The following BCAS3 variants were observed in gnomAD, a reference collection of about 807,000 sequenced individuals.
BCAS3 encodes BCAS3 microtubule associated cell migration factor.
BCAS3 carries 53 observed loss-of-function variants against 116.1 expected under a neutral mutation model. The observed-to-expected ratio is 0.46, with a 90% confidence interval of 0.37 to 0.57. The LOEUF is 0.57. BCAS3 is among the 20% of genes least tolerant of loss of function. BCAS3 has a pLI of 0.00. For missense variants in BCAS3, 917 were observed against 1,165.4 expected (o/e 0.79, Z 3.10); for synonymous variants, 391 against 408.2 (o/e 0.96, Z 0.51).
intron 14 of BCAS3, among the ~76,000 whole-genome samples, chr17:60,959,898 A>G (rs2061332064): frequency 6.6e-6 from 1 of 152,222 alleles, no homozygotes; most frequent in African/African-American, 2.4e-5. Flanking sequence ...TTTGAGTTAT[A>G]GCCACATCAC....
At chr17:60,893,568 C>T (rs2057315865) in intron 10 of BCAS3, among the ~76,000 whole-genome samples, 1 of 141,274 alleles carries the variant, frequency 7.1e-6, no homozygotes, top group Non-Finnish European at 1.5e-5. Context: ...TGATGTTATT[C>T]AGTTCTCTGT....
intron 4 of BCAS3, among the ~76,000 whole-genome samples, chr17:60,707,813 C>T (rs572734801): frequency 6.0e-5 from 9 of 149,020 alleles, no homozygotes; most frequent in South Asian, 2.1e-4. Flanking sequence ...TTGATTTTTC[C>T]GATGTTAAAC....
At chr17:60,855,612 G>A (rs780200868) in intron 7 of BCAS3, among the ~76,000 whole-genome samples, 9 of 151,736 alleles carry the variant, frequency 5.9e-5, no homozygotes, top group African/African-American at 7.3e-5. Flanking sequence ...GTGCCACCAC[G>A]CCCGGCCACT....
rs1005499333 is a variant in BCAS3 at position 60,967,856 on chromosome 17, G to T, written c.1221+20504G>T. 2.0e-5 allele frequency among the ~76,000 whole-genome samples: 3 copies of T among 151,902 alleles called. No homozygotes were observed. The highest frequency in any genetic ancestry group is 2.9e-5 in the Non-Finnish European group (2 of 67,992). ...AGTCTCTGATGACTTCTTCAGTTCA[G>T]CAAATATGTTTCTCAGTTCCAAGAT... On this transcript the variant is annotated intron_variant, in intron 14 of 23. Transcript: ENST00000407086. The surrounding 1 kb of genome is among the most constrained non-coding windows in gnomAD (Gnocchi z 4.7).
At chr17:61,078,918 C>T (rs1229754255) in intron 21 of BCAS3, among the ~76,000 whole-genome samples, 1 of 151,852 alleles carries the variant, frequency 6.6e-6, no homozygotes, top group Non-Finnish European at 1.5e-5. Flanking sequence ...TCCTGTATCT[C>T]CCTTCTTTTA....
At chr17:61,342,803 G>A (rs2057261066) in intron 22 of BCAS3, among the ~76,000 whole-genome samples, 1 of 150,880 alleles carries the variant, frequency 6.6e-6, no homozygotes, top group Admixed American at 6.6e-5. Context: ...CCAGGCTGGA[G>A]TATAGTGGTG....
intron 22 of BCAS3, among the ~76,000 whole-genome samples, chr17:61,242,974 C>T (rs963354310): frequency 5.9e-5 from 9 of 151,378 alleles, no homozygotes; most frequent in East Asian, 1.9e-4. Flanking sequence ...TGCAATGGTG[C>T]GATCTCGGCT....
At chr17:60,982,478 GA>G (rs1268798982) in intron 14 of BCAS3, among the ~76,000 whole-genome samples, 3 of 151,938 alleles carry the variant, frequency 2.0e-5, no homozygotes, top group Non-Finnish European at 4.4e-5. Flanking sequence ...GCTTGCTATT[GA>G]ATTCTTTAAA....
At chr17:60,690,852 G>A (rs1424371511) in intron 4 of BCAS3, among the ~76,000 whole-genome samples, 2 of 148,666 alleles carry the variant, frequency 1.3e-5, no homozygotes, top group East Asian at 2.1e-4. Flanking sequence ...CCCAGGAGGT[G>A]GAGGCTGCAG....
At position 61,343,750 on chromosome 17, in the gene BCAS3, A is replaced by C. The variant is rs965500112; in HGVS notation, c.2426-24577A>C. The stretch of plus-strand genomic sequence containing the variant: ...GGAACTTGTGATTATCCTCTGTCTA[A>C]GTCAAAAGCAGCTTAATTCCTCTAA... On this transcript the variant is annotated intron_variant, in intron 22 of 23. Transcript: ENST00000407086. The surrounding 1 kb of genome is among the most constrained non-coding windows in gnomAD (Gnocchi z 5.5). Among the ~76,000 whole-genome samples the C allele has an allele frequency of 1.3e-5, 2 of 152,222 alleles. No homozygotes were observed. The highest frequency in any genetic ancestry group is 1.3e-4 in the Admixed American group (2 of 15,288).
chr17:61,277,616 T>TAGAATATATA (rs59539197), intron 22 of BCAS3, among the ~76,000 whole-genome samples: 21,692 of 151,936 alleles, frequency 0.14, 3,219 homozygotes, highest in African/African-American at 0.38. Context: ...GACTTATATC[T>TAGAATATATA]AGAATATATA....
chr17:60,909,269 A>G (rs929508581), intron 11 of BCAS3, among the ~76,000 whole-genome samples: 1 of 152,162 alleles, frequency 6.6e-6, no homozygotes, highest in Non-Finnish European at 1.5e-5. Flanking sequence ...GTTTTAATCT[A>G]ATTATTGCTT....
At chr17:60,836,656 G>A (rs2051400989) in intron 7 of BCAS3, among the ~76,000 whole-genome samples, 1 of 152,002 alleles carries the variant, frequency 6.6e-6, no homozygotes, top group Non-Finnish European at 1.5e-5. Context: ...TGGAAATGTT[G>A]GAATTTTTCA....
chr17:61,204,071 C>T lies in BCAS3; in HGVS notation c.2425+119507C>T, dbSNP rs924748352. ...ACTAACTGTTTTACAAATGTTTCCT[C>T]GCTCTGGGAGGTTTGATACACTCTT... is the stretch of plus-strand genomic sequence containing the variant. On this transcript the variant is annotated intron_variant, in intron 22 of 23. Coordinates refer to ENST00000407086, the MANE Select transcript of BCAS3 (RefSeq NM_017679.5). The surrounding 1 kb of genome is among the most constrained non-coding windows in gnomAD (Gnocchi z 4.2). Among the ~76,000 whole-genome samples, 3 of 152,174 alleles carry T rather than the reference C, an allele frequency of 2.0e-5. No homozygotes were observed. Among genetic ancestry groups the T allele is most frequent in the East Asian group, 1.9e-4 (1 of 5,192 alleles).
intron 6 of BCAS3, among the ~76,000 whole-genome samples, chr17:60,799,359 C>CA (rs1226256500): frequency 1.3e-5 from 2 of 152,050 alleles, no homozygotes; most frequent in Non-Finnish European, 2.9e-5. Context: ...ACCACCAGCA[C>CA]AATCAAGATA....
chr17:60,692,022 C>T (rs528675563), intron 4 of BCAS3, among the ~76,000 whole-genome samples: 1 of 149,204 alleles, frequency 6.7e-6, no homozygotes, highest in South Asian at 2.1e-4. Context: ...TGCACTCCAG[C>T]TTGGGGGCAA....
Position 60,757,896 on chromosome 17 carries a change from C to G in BCAS3, c.403+10617C>G, listed in dbSNP as rs151031221. 1.5e-4 allele frequency among the ~76,000 whole-genome samples: 23 copies of G among 152,132 alleles called. No individual in the cohort carries two copies. The East Asian group carries it at 4.3e-3, about 28-fold the overall frequency. ...ATTTAGTAGTCTTACTGTTTTAGGT[C>G]TTAAATTTATGTCTTTAATCCATCT... On this transcript the variant is annotated intron_variant, in intron 6 of 23. Transcript: ENST00000407086.
intron 10 of BCAS3, among the ~76,000 whole-genome samples, chr17:60,896,591 TC>T (rs200326840): frequency 1.3e-5 from 2 of 151,826 alleles, no homozygotes; most frequent in African/African-American, 4.8e-5. Context: ...CTTTTTTTTT[TC>T]CAGCTGTTTT....
Position 61,388,566 on chromosome 17 carries a change from CGTT to C in BCAS3, c.2594-3408_2594-3406del, listed in dbSNP as rs2059967420. 1.5e-5 allele frequency: 23 copies of C among 1,496,892 alleles called. No homozygotes were observed. The highest frequency in any genetic ancestry group is 2.0e-5 in the Non-Finnish European group (22 of 1,115,560). The allele number at this position is 1,496,892 out of a possible 1,614,324, so 92.7% of individuals were successfully genotyped here. A position where few individuals can be genotyped will look rare whatever the true frequency, so the allele number is the denominator to read the frequency against. ...TGCAGAGATCAGTGTACTTCTCAAT[CGTT>C]GTCCATATCTTTTCCAAAAAGATTC... On this transcript the variant is annotated intron_variant, in intron 23 of 23. Transcript: ENST00000407086. The surrounding 1 kb of genome is among the most constrained non-coding windows in gnomAD (Gnocchi z 6.5).
Sources: allele counts gnomAD v4.1 joint callset (sites outside exome capture counted in the v4.1 genomes callset), GRCh38; gene constraint gnomAD v4.1.1; non-coding constraint Gnocchi (gnomAD v3.1); transcripts MANE v1.5; gene names NCBI Gene and HGNC (gene_info 2026-07-23, HGNC 2026-07-21).